The following CAPN9 variants were observed in gnomAD, a reference collection of about 807,000 sequenced individuals.
CAPN9 encodes the protein calpain-9.
Under a neutral mutation model 92.8 loss-of-function variants are expected in CAPN9, and 81 were observed. That is an observed-to-expected ratio of 0.87 (90% CI 0.73 to 1.05). The LOEUF (loss-of-function observed/expected upper bound fraction) is 1.05, where lower values mean the gene tolerates loss of function less well. Among genes scored for constraint, CAPN9 ranks in the 50% least tolerant of loss-of-function variants. The probability of loss-of-function intolerance (pLI) is 0.00; values close to 1 mark genes in which losing one functional copy is unlikely to be tolerated. For synonymous variants in CAPN9, 304 were observed against 328.0 expected (o/e 0.93, Z 0.79); for missense variants, 848 against 866.2 (o/e 0.98, Z 0.26).
chr1:230,774,739 C>CT (rs747512464), intron 8 of CAPN9, 108 bp downstream of exon 8: 15,870 of 383,856 alleles, frequency 0.041, 2 homozygotes, highest in East Asian at 0.062. Flanking sequence ...TTCTTTCTTT[C>CT]TTTTTTTTTT....
chr1:230,767,299 A>G (rs1230107614), intron 4 of CAPN9, among the ~76,000 whole-genome samples: 1 of 152,188 alleles, frequency 6.6e-6, no homozygotes, highest in Non-Finnish European at 1.5e-5. Context: ...CTCAGGCACC[A>G]GAGCTGCTGC....
At chr1:230,783,300 C>T (rs1404429445) in intron 11 of CAPN9, among the ~76,000 whole-genome samples, 3 of 152,094 alleles carry the variant, frequency 2.0e-5, no homozygotes, top group South Asian at 2.1e-4. Context: ...TTCATAAATC[C>T]AGAATTCACA....
chr1:230,800,266 GA>G (rs1013133378), intron 19 of CAPN9, among the ~76,000 whole-genome samples: 2 of 130,222 alleles, frequency 1.5e-5, no homozygotes, highest in African/African-American at 3.0e-5. Context: ...AAGAAAGAAA[GA>G]AAGAAAGAAA....
chr1:230,796,259 A>C (rs1422643490), intron 18 of CAPN9, among the ~76,000 whole-genome samples: 1 of 151,768 alleles, frequency 6.6e-6, no homozygotes, highest in East Asian at 1.9e-4. Flanking sequence ...TGGGAGGTGG[A>C]GGTTGCAGTG....
chr1:230,759,540 C>T lies in CAPN9; in HGVS notation c.312C>T (p.Ala104=), dbSNP rs765485586. ...LGDCWLLAAI[A]SLTLNQKALA... ...ACTGCTGGCTATTAGCCGCCATCGC[C>T]TCCCTTACGCTTAATCAAAAAGCAC... Residue 104 remains alanine (A), a synonymous_variant, in exon 3 of 20, where the codon GCC becomes GCT. Transcript: ENST00000271971. 9 of 1,610,052 alleles carry T rather than the reference C, an allele frequency of 5.6e-6. No individual in the cohort carries two copies. The Admixed American group carries it at 1.2e-4, about 21-fold the overall frequency.
chr1:230,769,617 CTATCTATCTATCTAT>C (rs1666249353), intron 6 of CAPN9, among the ~76,000 whole-genome samples: 1 of 3,518 alleles, frequency 2.8e-4, no homozygotes, highest in Admixed American at 2.6e-3. Flanking sequence ...ACACACACAC[CTATCTATCTATCTAT>C]CTATCTATCT....
At chr1:230,764,389 A>T (rs1665833499) in intron 4 of CAPN9, among the ~76,000 whole-genome samples, 1 of 152,226 alleles carries the variant, frequency 6.6e-6, no homozygotes, top group African/African-American at 2.4e-5. Context: ...CTTTGGACTC[A>T]AACTTGGACT....
intron 4 of CAPN9, among the ~76,000 whole-genome samples, chr1:230,766,137 C>T (rs1193705221): frequency 6.6e-6 from 1 of 152,022 alleles, no homozygotes; most frequent in Non-Finnish European, 1.5e-5. Flanking sequence ...GCTCTCTCAC[C>T]CAGACTAGAG....
chr1:230,747,723 G>A lies in CAPN9; in HGVS notation c.213+14G>A. 4.3e-6 allele frequency: 7 copies of A among 1,612,468 alleles called. No homozygotes were observed. Among genetic ancestry groups the A allele is most frequent in the Non-Finnish European group, 5.1e-6 (6 of 1,178,582 alleles). On this transcript the variant is annotated intron_variant, in intron 1 of 19. Coordinates refer to ENST00000271971, the MANE Select transcript of CAPN9 (RefSeq NM_006615.3). ...AAACGACCAGGGGTGAGTGGGGCGA[G>A]CAGGGGAAGGAGCATAGATGAGGCC...
chr1:230,771,029 A>G (rs3790971), intron 6 of CAPN9, among the ~76,000 whole-genome samples: 100,020 of 152,026 alleles, frequency 0.66, 33,424 homozygotes, highest in South Asian at 0.71. Context: ...TCACTCAAGC[A>G]GGCATGTGAT....
At chr1:230,778,364 G>A (rs951565954) in intron 8 of CAPN9, among the ~76,000 whole-genome samples, 1 of 152,126 alleles carries the variant, frequency 6.6e-6, no homozygotes, top group African/African-American at 2.4e-5. Context: ...GCTTCCACTT[G>A]TGTCCCCAAA....
At chr1:230,798,015 T>A in intron 18 of CAPN9, 147 bp from the exon 19 acceptor site, 13 of 673,236 alleles carry the variant, frequency 1.9e-5, no homozygotes, top group Non-Finnish European at 3.2e-5. Flanking sequence ...GAGAGTCCCA[T>A]CGCCGCCCTT....
chr1:230,799,889 A>G (rs1367823587), intron 19 of CAPN9, among the ~76,000 whole-genome samples: 1 of 150,904 alleles, frequency 6.6e-6, no homozygotes, highest in East Asian at 2.0e-4. Context: ...GAGTGATAGC[A>G]AGACCCTGTC....
At position 230,767,566 on chromosome 1, in the gene CAPN9, AAGGGAGGCAGCGCCATCG is replaced by A; in HGVS notation, c.566_583del (p.Gly189_Glu194del). On this transcript the variant is annotated inframe_deletion, in exon 5 of 20. Transcript: ENST00000271971. ...GCTAAATGGGAGCTATGAAGCTCTG[AAGGGAGGCAGCGCCATCG>A]AGGCCATGGAAGACTTCACTGGGGG... 1 of 1,612,640 alleles carries A rather than the reference AAGGGAGGCAGCGCCATCG, an allele frequency of 6.2e-7. No individual in the cohort carries two copies. Among genetic ancestry groups the A allele is most frequent in the Non-Finnish European group, 8.5e-7 (1 of 1,179,380 alleles).
intron 7 of CAPN9, among the ~76,000 whole-genome samples, chr1:230,773,885 GCT>G (rs1666561018): frequency 1.3e-5 from 2 of 152,154 alleles, no homozygotes. Context: ...TTTGGAGGCG[GCT>G]GTGGGAGTCA....
At chr1:230,748,361 G>T (rs1165085532) in intron 1 of CAPN9, among the ~76,000 whole-genome samples, 2 of 152,208 alleles carry the variant, frequency 1.3e-5, no homozygotes, top group African/African-American at 2.4e-5. Context: ...TGCTGGATTA[G>T]TCAGGGCTCT....
Position 230,777,840 on chromosome 1 carries a change from G to A in CAPN9, c.954-1133G>A, listed in dbSNP as rs28359680. Among the ~76,000 whole-genome samples, 972 of 152,114 alleles carry A rather than the reference G, an allele frequency of 6.4e-3. 8 individuals carry two copies. The highest frequency in any genetic ancestry group is 0.022 in the African/African-American group (923 of 41,502). Reference sequence around the variant, plus strand: ...AGCTCCTTCTCAACATCCTGTCCTGGCCCCCTCTCATCTCCCTAACCTGTT... The same window carrying A: ...AGCTCCTTCTCAACATCCTGTCCTGACCCCCTCTCATCTCCCTAACCTGTT... On this transcript the variant is annotated intron_variant, in intron 8 of 19. Transcript: ENST00000271971.
At chr1:230,791,111 T>C (rs1393172956) in intron 14 of CAPN9, among the ~76,000 whole-genome samples, 4 of 152,162 alleles carry the variant, frequency 2.6e-5, no homozygotes, top group Non-Finnish European at 4.4e-5. Flanking sequence ...CCCTGTTCTG[T>C]TTATTCATTC....
At chr1:230,754,773 T>C (rs1235106477) in intron 1 of CAPN9, among the ~76,000 whole-genome samples, 2 of 152,160 alleles carry the variant, frequency 1.3e-5, no homozygotes, top group African/African-American at 4.8e-5. Flanking sequence ...TATGATCATG[T>C]CACTGCACTC....
Sources: allele counts gnomAD v4.1 joint callset (sites outside exome capture counted in the v4.1 genomes callset), GRCh38; gene constraint gnomAD v4.1.1; transcripts MANE v1.5; gene names NCBI Gene and HGNC (gene_info 2026-07-23, HGNC 2026-07-21).